The following TRPM3 variants were observed in gnomAD, a reference collection of about 807,000 sequenced individuals.
TRPM3 encodes the protein long transient receptor potential channel 3.
A neutral mutation model predicts 181.2 loss-of-function variants in TRPM3; 77 were observed. The ratio of observed to expected loss-of-function variants is 0.42; its 90% confidence interval spans 0.35 to 0.51. TRPM3 has a LOEUF of 0.51. Ranked by LOEUF, TRPM3 falls within the 20% of genes least tolerant of loss-of-function variation. The probability of loss-of-function intolerance (pLI) is 0.01; values close to 1 mark genes in which losing one functional copy is unlikely to be tolerated. For missense variants in TRPM3, 1,759 were observed against 2,196.7 expected (o/e 0.80, Z 3.98); for synonymous variants, 745 against 796.4 (o/e 0.94, Z 1.09).
chr9:71,126,741 G>A (rs2074054088), intron 1 of TRPM3, among the ~76,000 whole-genome samples: 1 of 152,106 alleles, frequency 6.6e-6, no homozygotes, highest in Admixed American at 6.5e-5. Flanking sequence ...AACTACAATT[G>A]TTATCTATTC....
At chr9:70,611,997 A>G (rs1371456440) in intron 18 of TRPM3, among the ~76,000 whole-genome samples, 1 of 152,164 alleles carries the variant, frequency 6.6e-6, no homozygotes, top group Non-Finnish European at 1.5e-5. Context: ...AAGGTTTTTA[A>G]CCACTCTGAG....
chr9:71,211,355 G>A (rs1335666468), intron 1 of TRPM3, among the ~76,000 whole-genome samples: 2 of 118,384 alleles, frequency 1.7e-5, no homozygotes, highest in Non-Finnish European at 3.5e-5. Context: ...TCTTTTATAT[G>A]ATTGTGTTTT....
intron 1 of TRPM3, among the ~76,000 whole-genome samples, chr9:71,262,773 T>C (rs1005143573): frequency 6.6e-6 from 1 of 152,138 alleles, no homozygotes; most frequent in Non-Finnish European, 1.5e-5. Context: ...CAGCTTCCCT[T>C]GGCTAGGACC....
At chr9:70,608,728 T>G (rs1437909937) in intron 19 of TRPM3, among the ~76,000 whole-genome samples, 1 of 152,002 alleles carries the variant, frequency 6.6e-6, no homozygotes, top group Non-Finnish European at 1.5e-5. Flanking sequence ...TAATCCCAGC[T>G]ACTCGGGAGG....
chr9:71,188,734 C>T (rs2077833837), intron 1 of TRPM3, among the ~76,000 whole-genome samples: 1 of 151,832 alleles, frequency 6.6e-6, no homozygotes, highest in African/African-American at 2.4e-5. Context: ...TTCTTACCTG[C>T]AAAGAGTCAA....
At chr9:71,201,569 G>A (rs1357490217) in intron 1 of TRPM3, among the ~76,000 whole-genome samples, 21 of 152,006 alleles carry the variant, frequency 1.4e-4, no homozygotes, top group Non-Finnish European at 2.1e-4. Context: ...GGCTTTGTTC[G>A]TTTCTTTTTA....
intron 1 of TRPM3, among the ~76,000 whole-genome samples, chr9:71,163,315 G>C (rs1208055642): frequency 6.6e-6 from 1 of 152,062 alleles, no homozygotes; most frequent in Non-Finnish European, 1.5e-5. Context: ...TAGTGATAAA[G>C]AGGGGAAACA....
intron 1 of TRPM3, among the ~76,000 whole-genome samples, chr9:70,994,869 C>A (rs2097527554): frequency 6.6e-6 from 1 of 152,214 alleles, no homozygotes; most frequent in African/African-American, 2.4e-5. Context: ...TTTATCCCTG[C>A]TGATCAACTG....
intron 9 of TRPM3, among the ~76,000 whole-genome samples, chr9:70,671,733 A>T (rs968809119): frequency 6.6e-6 from 1 of 152,134 alleles, no homozygotes; most frequent in Admixed American, 6.5e-5. Flanking sequence ...CATTTGAGGC[A>T]AATTTGACAT....
chr9:70,957,917 A>C (rs1349935864), intron 1 of TRPM3, among the ~76,000 whole-genome samples: 1 of 152,224 alleles, frequency 6.6e-6, no homozygotes, highest in Non-Finnish European at 1.5e-5. Context: ...AAAACAAAAA[A>C]AACTGTGCTT....
intron 3 of TRPM3, among the ~76,000 whole-genome samples, chr9:70,851,835 C>T (rs150514195): frequency 1.4e-4 from 22 of 152,040 alleles, no homozygotes; most frequent in East Asian, 9.7e-4. Context: ...AAAAAAATTC[C>T]GGCCAGGCGC....
chr9:70,664,174 GT>G (rs1646695523), intron 9 of TRPM3, among the ~76,000 whole-genome samples: 1 of 152,142 alleles, frequency 6.6e-6, no homozygotes, highest in South Asian at 2.1e-4. Flanking sequence ...TACCAGCCAG[GT>G]TATTAGTTTG....
intron 1 of TRPM3, among the ~76,000 whole-genome samples, chr9:71,037,789 C>A (rs1247186922): frequency 2.0e-5 from 3 of 152,196 alleles, no homozygotes; most frequent in African/African-American, 4.8e-5. Context: ...TAATACCTGT[C>A]CATCTGCCAT....
chr9:70,616,034 C>T lies in TRPM3; in HGVS notation c.2400G>A (p.Leu800=), dbSNP rs1298568730. 2 of 1,610,096 alleles carry T rather than the reference C, an allele frequency of 1.2e-6. No homozygotes were observed. Among genetic ancestry groups the T allele is most frequent in the Non-Finnish European group, 1.7e-6 (2 of 1,178,402 alleles). The change falls in exon 18 of 26, where the codon TTG becomes TTA. Residue 800 remains leucine, a synonymous_variant. Transcript: ENST00000677713. The part of the protein sequence containing the change: ...GILLPPSILS[L]EFKNKDDMPY... The stretch of plus-strand genomic sequence containing the variant: ...GCATGTCGTCTTTGTTCTTGAACTC[C>T]AAGCTGAGAATTGAAGGAGGAAGTA...
intron 1 of TRPM3, among the ~76,000 whole-genome samples, chr9:71,229,263 T>C (rs180881704): frequency 2.0e-5 from 3 of 152,278 alleles, no homozygotes; most frequent in African/African-American, 4.8e-5. Flanking sequence ...TGGATTTCCA[T>C]ATGCAGAAGA....
intron 1 of TRPM3, among the ~76,000 whole-genome samples, chr9:70,865,805 C>T (rs2095638489): frequency 6.6e-6 from 1 of 152,028 alleles, no homozygotes; most frequent in African/African-American, 2.4e-5. Context: ...AAAGAAACTG[C>T]ATCCTGTTTC....
At chr9:71,343,058 C>T (rs1225276882) in intron 1 of TRPM3, among the ~76,000 whole-genome samples, 1 of 151,386 alleles carries the variant, frequency 6.6e-6, no homozygotes, top group Non-Finnish European at 1.5e-5. Flanking sequence ...GAAGAATAAA[C>T]CAGAGAATTA....
intron 1 of TRPM3, among the ~76,000 whole-genome samples, chr9:71,031,985 TATTATATATATATAATTATATA>T (rs2057399425): frequency 1.5e-3 from 1 of 664 alleles, no homozygotes; most frequent in Non-Finnish European, 2.0e-3. Flanking sequence ...TATATATATA[TATTATATATATATAATTATATA>T]ATATATAATA....
intron 1 of TRPM3, among the ~76,000 whole-genome samples, chr9:71,285,943 A>G (rs2085245177): frequency 6.6e-6 from 1 of 152,232 alleles, no homozygotes. Context: ...TCACAGCACA[A>G]AATTATTCAT....
Sources: gnomAD v4.1 joint callset for allele counts (sites outside exome capture counted in the v4.1 genomes callset) on GRCh38, gnomAD v4.1.1 for gene constraint, MANE v1.5 for transcripts, NCBI Gene and HGNC (gene_info 2026-07-23, HGNC 2026-07-21) for gene names.